The following SHTN1 variants were observed in gnomAD, a reference collection of about 807,000 sequenced individuals.
The protein encoded by SHTN1 is shootin-1.
Under a neutral mutation model 83.1 loss-of-function variants are expected in SHTN1, and 42 were observed. The ratio of observed to expected loss-of-function variants is 0.51; its 90% confidence interval spans 0.39 to 0.65. The LOEUF is 0.65. SHTN1 is among the 30% of genes least tolerant of loss of function. The pLI is 0.00. For missense variants in SHTN1, 622 were observed against 737.8 expected (o/e 0.84, Z 1.82); for synonymous variants, 224 against 247.7 (o/e 0.90, Z 0.90).
chr10:116,966,737 C>T (rs1287438505), intron 3 of SHTN1, among the ~76,000 whole-genome samples: 3 of 152,122 alleles, frequency 2.0e-5, no homozygotes, highest in African/African-American at 7.2e-5. Flanking sequence ...AACCCTAGAC[C>T]AAATATTTTA....
At chr10:117,031,604 G>A (rs1431238283) in intron 2 of SHTN1, among the ~76,000 whole-genome samples, 2 of 152,130 alleles carry the variant, frequency 1.3e-5, no homozygotes, top group Non-Finnish European at 2.9e-5. Flanking sequence ...AAAAGAGGGG[G>A]ATAGAGTCTG....
chr10:116,900,857 A>AG, intron 16 of SHTN1: 1 of 985,388 alleles, frequency 1.0e-6, no homozygotes, highest in Non-Finnish European at 1.2e-6. Context: ...ATTCCAGAAG[A>AG]GAAAAAAAAG....
chr10:116,937,358 C>T (rs192991522), intron 9 of SHTN1, among the ~76,000 whole-genome samples: 74 of 152,160 alleles, frequency 4.9e-4, no homozygotes, highest in East Asian at 2.5e-3. Flanking sequence ...GCAGGGCTGG[C>T]GGTGACAAAA....
intron 1 of SHTN1, among the ~76,000 whole-genome samples, chr10:117,097,030 G>C (rs61873043): frequency 0.022 from 3,223 of 149,068 alleles, 130 homozygotes; most frequent in East Asian, 0.12. Flanking sequence ...CACACACATA[G>C]ACACACACAC....
intron 12 of SHTN1, among the ~76,000 whole-genome samples, chr10:116,920,370 A>AG (rs1848516411): frequency 6.6e-6 from 1 of 152,086 alleles, no homozygotes; most frequent in South Asian, 2.1e-4. Context: ...GCTCAATGGG[A>AG]GGGCCCTTCT....
At chr10:117,078,859 G>A (rs1428125489) in intron 1 of SHTN1, among the ~76,000 whole-genome samples, 1 of 151,838 alleles carries the variant, frequency 6.6e-6, no homozygotes, top group African/African-American at 2.4e-5. Flanking sequence ...CAAGGAATTG[G>A]TCCATTTCAT....
At chr10:116,977,662 C>CTGTGTGTGTGTGTGTGTGTGTG (rs750351561) in intron 2 of SHTN1, among the ~76,000 whole-genome samples, 42 of 147,868 alleles carry the variant, frequency 2.8e-4, no homozygotes, top group African/African-American at 9.4e-4. Flanking sequence ...CTTTCTTACT[C>CTGTGTGTGTGTGTGTGTGTGTG]TGTGTGTGTG....
At chr10:116,948,883 C>T (rs1277431984) in intron 7 of SHTN1, 33 bp downstream of exon 7, 4 of 1,446,242 alleles carry the variant, frequency 2.8e-6, no homozygotes, top group African/African-American at 2.9e-5. Flanking sequence ...ACACCGCATA[C>T]GTATTTGAGA....
At chr10:117,000,704 C>T (rs950975854) in intron 1 of SHTN1, among the ~76,000 whole-genome samples, 3 of 152,128 alleles carry the variant, frequency 2.0e-5, no homozygotes, top group Non-Finnish European at 4.4e-5. Flanking sequence ...GGTAGTGCAC[C>T]CCATTCTGTT....
At chr10:116,966,800 T>C (rs1057414677) in intron 3 of SHTN1, among the ~76,000 whole-genome samples, 2 of 152,216 alleles carry the variant, frequency 1.3e-5, no homozygotes, top group Non-Finnish European at 2.9e-5. Flanking sequence ...CAATCCATTA[T>C]CAATAATTCA....
At chr10:116,962,821 A>G (rs974286549) in intron 3 of SHTN1, among the ~76,000 whole-genome samples, 6 of 151,974 alleles carry the variant, frequency 3.9e-5, no homozygotes, top group African/African-American at 1.5e-4. Context: ...ATTGCGCATT[A>G]ATTTTTAGTT....
chr10:116,896,114 T>C (rs55834077), intron 16 of SHTN1, among the ~76,000 whole-genome samples: 6 of 152,268 alleles, frequency 3.9e-5, no homozygotes, highest in Non-Finnish European at 7.4e-5. Context: ...TAAAGAGTAA[T>C]AGAAGTATTA....
intron 16 of SHTN1, chr10:116,901,254 G>A (rs1332537543): frequency 2.0e-6 from 2 of 985,202 alleles, no homozygotes. Flanking sequence ...CAATCAAAGT[G>A]CCACTCTGAA....
At chr10:117,016,350 A>G (rs910718648) in intron 2 of SHTN1, among the ~76,000 whole-genome samples, 3 of 152,182 alleles carry the variant, frequency 2.0e-5, no homozygotes, top group Admixed American at 6.5e-5. Context: ...AGTGTTCCTC[A>G]AGGATGAAAT....
intron 2 of SHTN1, among the ~76,000 whole-genome samples, chr10:117,010,716 A>G (rs1449221820): frequency 6.6e-6 from 1 of 152,242 alleles, no homozygotes; most frequent in East Asian, 1.9e-4. Context: ...ACAACACATT[A>G]AAAGGATTAT....
intron 1 of SHTN1, among the ~76,000 whole-genome samples, chr10:117,074,104 C>G (rs1185493495): frequency 6.6e-6 from 1 of 152,126 alleles, no homozygotes. Context: ...TCCCCTTTAG[C>G]TAAATTTAGC....
chr10:116,915,809 T>C (rs1296056542), intron 12 of SHTN1, among the ~76,000 whole-genome samples: 1 of 152,188 alleles, frequency 6.6e-6, no homozygotes, highest in East Asian at 1.9e-4. Context: ...CCCAACTTTG[T>C]GCCTAATCCC....
At chr10:117,023,413 C>T (rs1413315081) in intron 2 of SHTN1, among the ~76,000 whole-genome samples, 1 of 152,128 alleles carries the variant, frequency 6.6e-6, no homozygotes, top group Non-Finnish European at 1.5e-5. Context: ...TAAGGACATG[C>T]ATACCAGACA....
Position 116,951,996 on chromosome 10 carries a change from A to G in SHTN1, c.447T>C (p.Asp149=). Residue 149 remains aspartate, a synonymous_variant, in exon 6 of 17, where the codon GAT becomes GAC. Coordinates refer to ENST00000355371, the MANE Select transcript of SHTN1 (RefSeq NM_001127211.3). The stretch of plus-strand genomic sequence containing the variant: ...TTTCCTCCTGAACAGATACAATTTG[A>G]TCTCGAAGTTCTGCATTTTTAAAGA... ...QCQKQIKELR[D]QIVSVQEEKK... 2 of 1,507,188 alleles carry G rather than the reference A, an allele frequency of 1.3e-6. No individual in the cohort carries two copies. Among genetic ancestry groups the G allele is most frequent in the Non-Finnish European group, 1.8e-6 (2 of 1,123,214 alleles). The allele number at this position is 1,507,188 out of a possible 1,614,324, so 93.4% of individuals were successfully genotyped here. A position where few individuals can be genotyped will look rare whatever the true frequency, so the allele number is the denominator to read the frequency against.
Sources: gnomAD v4.1 joint callset for allele counts (sites outside exome capture counted in the v4.1 genomes callset) on GRCh38, gnomAD v4.1.1 for gene constraint, MANE v1.5 for transcripts, NCBI Gene and HGNC (gene_info 2026-07-23, HGNC 2026-07-21) for gene names.